The following RORA variants were observed in gnomAD, a reference collection of about 807,000 sequenced individuals.
RORA encodes nuclear receptor ROR-alpha.
RORA carries 7 observed loss-of-function variants against 69.5 expected under a neutral mutation model. That is an observed-to-expected ratio of 0.10 (90% CI 0.06 to 0.19). The LOEUF (loss-of-function observed/expected upper bound fraction) is 0.19, where lower values mean the gene tolerates loss of function less well. RORA is among the 10% of genes least tolerant of loss of function. The pLI is 1.00. For missense variants in RORA, 457 were observed against 663.0 expected, an observed-to-expected ratio of 0.69 and a Z score of 3.41; for synonymous variants, 261 against 240.8, an observed-to-expected ratio of 1.08 and a Z score of -0.78.
chr15:60,971,854 G>T (rs1175574487), intron 1 of RORA, among the ~76,000 whole-genome samples: 2 of 152,184 alleles, frequency 1.3e-5, no homozygotes, highest in East Asian at 3.9e-4. Flanking sequence ...GGGCCAGAGA[G>T]AGGGTGTGGA....
intron 1 of RORA, among the ~76,000 whole-genome samples, chr15:60,736,464 G>A (rs566654434): frequency 9.2e-5 from 14 of 152,252 alleles, no homozygotes; most frequent in African/African-American, 3.1e-4. Context: ...GCCAGCATTC[G>A]GTTTAAGACT....
At chr15:61,107,700 C>T (rs919703461) in intron 1 of RORA, among the ~76,000 whole-genome samples, 2 of 151,878 alleles carry the variant, frequency 1.3e-5, no homozygotes, top group Non-Finnish European at 2.9e-5. Context: ...TACCCTGTGG[C>T]TCTTTTGGCC....
intron 2 of RORA, among the ~76,000 whole-genome samples, chr15:60,552,008 C>T (rs538896111): frequency 1.3e-5 from 2 of 152,296 alleles, no homozygotes; most frequent in African/African-American, 4.8e-5. Context: ...TCGGTAGCCA[C>T]AGGGGACCTG....
chr15:61,009,099 A>G (rs555142861), intron 1 of RORA, among the ~76,000 whole-genome samples: 4 of 152,320 alleles, frequency 2.6e-5, no homozygotes, highest in African/African-American at 9.6e-5. Context: ...CGAATCTGAA[A>G]GAATGTCATA....
chr15:60,560,999 GTTGGCAGTGATGTT>G (rs1435299664), intron 2 of RORA, among the ~76,000 whole-genome samples: 2 of 150,148 alleles, frequency 1.3e-5, no homozygotes, highest in Non-Finnish European at 2.9e-5. Flanking sequence ...GCACACACAC[GTTGGCAGTGATGTT>G]TTAAAATGTA....
At chr15:61,086,535 A>C (rs1373426802) in intron 1 of RORA, among the ~76,000 whole-genome samples, 1 of 152,198 alleles carries the variant, frequency 6.6e-6, no homozygotes, top group East Asian at 1.9e-4. Flanking sequence ...AGGAACTAAA[A>C]TCAAATAAAT....
intron 1 of RORA, among the ~76,000 whole-genome samples, chr15:60,759,939 T>A (rs954563603): frequency 6.6e-6 from 1 of 152,216 alleles, no homozygotes; most frequent in African/African-American, 2.4e-5. Flanking sequence ...GTACAAAGAT[T>A]AGTCTGAGAG....
At chr15:61,062,274 CA>C (rs2078197236) in intron 1 of RORA, among the ~76,000 whole-genome samples, 1 of 152,142 alleles carries the variant, frequency 6.6e-6, no homozygotes, top group African/African-American at 2.4e-5. Context: ...CCCAGCTTCC[CA>C]AGTTTGTCTT....
At chr15:60,543,051 T>C (rs2066946733) in intron 2 of RORA, among the ~76,000 whole-genome samples, 1 of 151,554 alleles carries the variant, frequency 6.6e-6, no homozygotes, top group African/African-American at 2.4e-5. Context: ...CTGCCACCAC[T>C]TGCTGAGAAC....
chr15:61,018,494 C>T (rs764517498), intron 1 of RORA, among the ~76,000 whole-genome samples: 1 of 151,942 alleles, frequency 6.6e-6, no homozygotes, highest in Non-Finnish European at 1.5e-5. Flanking sequence ...CGTGTGGGAG[C>T]GTATGTGTAT....
intron 1 of RORA, among the ~76,000 whole-genome samples, chr15:60,860,052 A>G (rs2073422209): frequency 6.6e-6 from 1 of 152,174 alleles, no homozygotes; most frequent in African/African-American, 2.4e-5. Flanking sequence ...AGGACACTTC[A>G]TCGAATGTGG....
At chr15:61,145,773 G>C (rs1441632886) in intron 1 of RORA, among the ~76,000 whole-genome samples, 1 of 152,058 alleles carries the variant, frequency 6.6e-6, no homozygotes, top group East Asian at 1.9e-4. Flanking sequence ...TCAGAAAAAC[G>C]ATCAGGGGAA....
At chr15:60,575,735 A>T (rs1335928454) in intron 2 of RORA, among the ~76,000 whole-genome samples, 2 of 152,238 alleles carry the variant, frequency 1.3e-5, no homozygotes, top group Non-Finnish European at 2.9e-5. Context: ...TCACCGAATA[A>T]TGCAAAACTT....
chr15:60,797,949 T>G (rs914774769), intron 1 of RORA, among the ~76,000 whole-genome samples: 2 of 152,130 alleles, frequency 1.3e-5, no homozygotes, highest in Non-Finnish European at 2.9e-5. Context: ...AGCTTTAAAA[T>G]CAACCAGATG....
At chr15:60,729,795 G>A (rs1314333825) in intron 1 of RORA, among the ~76,000 whole-genome samples, 4 of 152,166 alleles carry the variant, frequency 2.6e-5, no homozygotes, top group Non-Finnish European at 5.9e-5. Context: ...TCTAAAATAT[G>A]AAGTCTAATC....
chr15:60,621,270 C>T (rs377645120), intron 2 of RORA, among the ~76,000 whole-genome samples: 3 of 152,182 alleles, frequency 2.0e-5, no homozygotes, highest in East Asian at 3.9e-4. Context: ...TTCCATTTGT[C>T]TATTTGCCCA....
intron 1 of RORA, among the ~76,000 whole-genome samples, chr15:60,799,427 G>A (rs957294487): frequency 6.6e-6 from 1 of 151,876 alleles, no homozygotes; most frequent in Non-Finnish European, 1.5e-5. Context: ...ATATGGAGTC[G>A]AGACACTTCA....
At chr15:61,078,437 G>C (rs1013422473) in intron 1 of RORA, among the ~76,000 whole-genome samples, 3 of 151,822 alleles carry the variant, frequency 2.0e-5, no homozygotes, top group African/African-American at 7.3e-5. Context: ...GACCTCAAGT[G>C]ATCCGCTTGC....
chr15:61,196,160 G>A (rs542341991), intron 1 of RORA, among the ~76,000 whole-genome samples: 37 of 152,292 alleles, frequency 2.4e-4, no homozygotes, highest in South Asian at 4.1e-4. Context: ...CAAAAGTTAC[G>A]TAATTTTGCC....
Sources: allele counts gnomAD v4.1 joint callset (sites outside exome capture counted in the v4.1 genomes callset), GRCh38; gene constraint gnomAD v4.1.1; transcripts MANE v1.5; gene names NCBI Gene and HGNC (gene_info 2026-07-23, HGNC 2026-07-21).